CCDC77: variants seen among roughly 807,000 people sequenced by gnomAD.
CCDC77 encodes the protein coiled-coil domain containing 77.
A neutral mutation model predicts 66.8 loss-of-function variants in CCDC77; 56 were observed. The observed-to-expected ratio is 0.84, with a 90% confidence interval of 0.68 to 1.05. The LOEUF is 1.05. Ranked by LOEUF, CCDC77 falls within the 50% of genes least tolerant of loss-of-function variation. The probability of loss-of-function intolerance (pLI) is 0.00; values close to 1 mark genes in which losing one functional copy is unlikely to be tolerated. For missense variants in CCDC77, 570 were observed against 576.8 expected (o/e 0.99, Z 0.12); for synonymous variants, 196 against 195.2 (o/e 1.00, Z -0.03).
In CCDC77 at chr12:432,001, G is replaced by C. The variant is rs372815685; in HGVS notation, c.672+47G>C. 11 of 1,126,772 alleles carry C rather than the reference G, an allele frequency of 9.8e-6. No individual in the cohort carries two copies. In the African/African-American group the frequency reaches 1.6e-4, roughly 16 times the overall value. 69.8% of individuals were successfully genotyped at this position (1,126,772 alleles called of 1,614,324 possible). A position where few individuals can be genotyped will look rare whatever the true frequency, so the allele number is the denominator to read the frequency against. ...ACCAAGATGGCTTTTATCCACAGGTGCAGCTCTATGTCACATACCCTCAGT... is the reference window on the plus strand; with the variant it reads ...ACCAAGATGGCTTTTATCCACAGGTCCAGCTCTATGTCACATACCCTCAGT... On this transcript the variant is annotated intron_variant, in intron 8 of 12. Transcript: ENST00000239830.
At chr12:417,771 G>A (rs964766760) in intron 4 of CCDC77, among the ~76,000 whole-genome samples, 5 of 152,036 alleles carry the variant, frequency 3.3e-5, no homozygotes, top group South Asian at 2.1e-4. Flanking sequence ...TGGGCGTGGT[G>A]CACACCTGTA....
intron 9 of CCDC77, 161 bp downstream of exon 9, chr12:433,483 C>T (rs1228453867): frequency 1.4e-5 from 19 of 1,404,584 alleles, no homozygotes; most frequent in East Asian, 7.7e-5. Context: ...GTGAGTACCT[C>T]GCTTTTCCAG....
At chr12:434,854 A>G (rs1012590842) in intron 9 of CCDC77, among the ~76,000 whole-genome samples, 4 of 152,234 alleles carry the variant, frequency 2.6e-5, no homozygotes, top group African/African-American at 9.6e-5. Context: ...GACCTATGCC[A>G]TAAGGACATC....
Position 430,656 on chromosome 12 carries a change from T to C in CCDC77, c.511-8T>C, listed in dbSNP as rs766952178. The C allele has an allele frequency of 1.9e-6, 3 of 1,611,516 alleles. No individual in the cohort carries two copies. The East Asian group carries it at 6.7e-5, about 36-fold the overall frequency. Reference sequence around the variant, plus strand: ...AGGCTACTTCAATACCAGTTTTTGCTTCTTCAGGTCACCATTCTCCAAAAG... The same window carrying C: ...AGGCTACTTCAATACCAGTTTTTGCCTCTTCAGGTCACCATTCTCCAAAAG... On this transcript the variant is annotated splice_region_variant and splice_polypyrimidine_tract_variant and intron_variant, in intron 6 of 12. Coordinates refer to ENST00000239830, the MANE Select transcript of CCDC77 (RefSeq NM_032358.4).
At chr12:440,140 C>T (rs1378528373) in intron 10 of CCDC77, among the ~76,000 whole-genome samples, 3 of 152,066 alleles carry the variant, frequency 2.0e-5, no homozygotes, top group African/African-American at 7.2e-5. Flanking sequence ...TGTGCATCAT[C>T]GTATGGAGTG....
chr12:440,550 A>G, intron 10 of CCDC77, 67 bp from the exon 11 acceptor site: 2 of 1,567,172 alleles, frequency 1.3e-6, no homozygotes, highest in Non-Finnish European at 1.7e-6. Context: ...TTCTTTGCCT[A>G]AAAGCTACTT....
intron 5 of CCDC77, among the ~76,000 whole-genome samples, chr12:428,283 C>A: frequency 6.6e-6 from 1 of 152,066 alleles, no homozygotes; most frequent in East Asian, 1.9e-4. Flanking sequence ...GAGGCCGAGG[C>A]AGGCAGATCA....
At chr12:390,736 A>AAG (rs1944739333) in intron 1 of CCDC77, among the ~76,000 whole-genome samples, 1 of 149,350 alleles carries the variant, frequency 6.7e-6, no homozygotes, top group Non-Finnish European at 1.5e-5. Context: ...TATCTTTATA[A>AAG]ACACACACAC....
Position 422,593 on chromosome 12 carries a change from G to C in CCDC77, c.413+3957G>C, listed in dbSNP as rs543461696. 9.8e-5 allele frequency among the ~76,000 whole-genome samples: 15 copies of C among 152,344 alleles called. No homozygotes were observed. The South Asian group carries it at 3.1e-3, about 32-fold the overall frequency. The stretch of plus-strand genomic sequence containing the variant: ...TTCATCCATGTTGTAGCATGTGTCA[G>C]AATTTTCTTCCTTTTTAAGACTGAA... On this transcript the variant is annotated intron_variant, in intron 5 of 12. Coordinates refer to ENST00000239830, the MANE Select transcript of CCDC77 (RefSeq NM_032358.4).
chr12:423,671 A>G (rs1591982053), intron 5 of CCDC77, among the ~76,000 whole-genome samples: 1 of 144,644 alleles, frequency 6.9e-6, no homozygotes, highest in East Asian at 2.1e-4. Flanking sequence ...TAATTTTTGT[A>G]TCTTTTGAAG....
chr12:417,377 G>T (rs1247410565), intron 4 of CCDC77, among the ~76,000 whole-genome samples: 2 of 152,062 alleles, frequency 1.3e-5, no homozygotes, highest in Non-Finnish European at 2.9e-5. Flanking sequence ...CTGTTCATCT[G>T]TCAAGTGTCA....
At chr12:425,306 G>C (rs1018022743) in intron 5 of CCDC77, among the ~76,000 whole-genome samples, 1 of 150,210 alleles carries the variant, frequency 6.7e-6, no homozygotes, top group Non-Finnish European at 1.5e-5. Flanking sequence ...GCAGAAGCTG[G>C]TTTTCAAATG....
chr12:412,789 T>C (rs531480693), intron 4 of CCDC77, among the ~76,000 whole-genome samples: 1 of 151,720 alleles, frequency 6.6e-6, no homozygotes, highest in Non-Finnish European at 1.5e-5. Flanking sequence ...CCTTACTGGC[T>C]TTCCTCTCCT....
At chr12:427,686 G>C (rs950309435) in intron 5 of CCDC77, among the ~76,000 whole-genome samples, 1 of 151,986 alleles carries the variant, frequency 6.6e-6, no homozygotes, top group African/African-American at 2.4e-5. Flanking sequence ...ATGTTGGCCA[G>C]GCTGGTCTCG....
chr12:430,562 G>T, intron 6 of CCDC77, 102 bp from the exon 7 acceptor site: 1 of 848,720 alleles, frequency 1.2e-6, no homozygotes, highest in South Asian at 1.3e-5. Context: ...TATCAGTTTT[G>T]ACTAATTTAA....
intron 1 of CCDC77, among the ~76,000 whole-genome samples, chr12:394,631 T>C (rs1944802992): frequency 6.6e-6 from 1 of 152,266 alleles, no homozygotes; most frequent in Non-Finnish European, 1.5e-5. Context: ...TCAAGCATTG[T>C]TCTTGTTTGA....
chr12:408,780 CTT>C (rs1277821391), intron 2 of CCDC77, among the ~76,000 whole-genome samples: 1 of 152,162 alleles, frequency 6.6e-6, no homozygotes, highest in Non-Finnish European at 1.5e-5. Flanking sequence ...AACAAGGAGA[CTT>C]TTCTACTTTG....
chr12:437,912 C>G (rs1294603911), intron 9 of CCDC77, among the ~76,000 whole-genome samples: 1 of 149,854 alleles, frequency 6.7e-6, no homozygotes, highest in Non-Finnish European at 1.5e-5. Context: ...ATAGGCAGTT[C>G]TACATGGAGC....
At position 423,471 on chromosome 12, in the gene CCDC77, T is replaced by TG. The variant is rs1178881892; in HGVS notation, c.413+4835_413+4836insG. On this transcript the variant is annotated intron_variant, in intron 5 of 12. Transcript: ENST00000239830. The stretch of plus-strand genomic sequence containing the variant: ...TGTTATTTTCTGGGTGTTTTTTGTG[T>TG]TTTTTGTGTTTTTTTTTGTTTTGTT... Among the ~76,000 whole-genome samples, 221 of 53,354 alleles carry TG rather than the reference T, an allele frequency of 4.1e-3. 19 individuals carry two copies. The highest frequency in any genetic ancestry group is 0.027 in the Admixed American group (109 of 4,068). 35.0% of individuals were successfully genotyped at this position (53,354 alleles called of 152,430 possible).
Sources: allele counts gnomAD v4.1 joint callset (sites outside exome capture counted in the v4.1 genomes callset), GRCh38; gene constraint gnomAD v4.1.1; transcripts MANE v1.5; gene names NCBI Gene and HGNC (gene_info 2026-07-23, HGNC 2026-07-21).